The following GPC6 variants were observed in gnomAD, a reference collection of about 807,000 sequenced individuals.
The protein encoded by GPC6 is glypican 6.
Under a neutral mutation model 55.2 loss-of-function variants are expected in GPC6, and 14 were observed. That is an observed-to-expected ratio of 0.25 (90% confidence interval 0.17 to 0.40). The LOEUF (loss-of-function observed/expected upper bound fraction) is 0.40, where lower values mean the gene tolerates loss of function less well. Among genes scored for constraint, GPC6 ranks in the 10% least tolerant of loss-of-function variants. The pLI, the probability that GPC6 is intolerant of heterozygous loss-of-function variation, is 1.00. For missense variants in GPC6, 641 were observed against 708.5 expected, an observed-to-expected ratio of 0.90 and a Z score of 1.08; for synonymous variants, 278 against 259.6, an observed-to-expected ratio of 1.07 and a Z score of -0.68.
chr13:93,688,457 A>T (rs904186533), intron 2 of GPC6, among the ~76,000 whole-genome samples: 3 of 152,124 alleles, frequency 2.0e-5, no homozygotes, highest in African/African-American at 7.2e-5. Flanking sequence ...AGAGCGTTAG[A>T]TATGTGTGCA....
chr13:94,208,770 A>C (rs545443040), intron 4 of GPC6, among the ~76,000 whole-genome samples: 87 of 150,246 alleles, frequency 5.8e-4, no homozygotes, highest in African/African-American at 2.1e-3. Context: ...AAAAAAAAAA[A>C]AAAAAAAAAC....
chr13:94,038,293 G>C (rs546523649), intron 4 of GPC6, among the ~76,000 whole-genome samples: 1 of 151,944 alleles, frequency 6.6e-6, no homozygotes, highest in South Asian at 2.1e-4. Context: ...GCTTGACATG[G>C]CTCAACCTCT....
intron 1 of GPC6, among the ~76,000 whole-genome samples, chr13:93,272,388 A>C (rs1877561633): frequency 6.6e-6 from 1 of 151,548 alleles, no homozygotes; most frequent in South Asian, 2.1e-4. Context: ...TTCCAATGAT[A>C]GTCACTTCAT....
intron 4 of GPC6, among the ~76,000 whole-genome samples, chr13:94,212,018 A>G (rs1890095053): frequency 6.6e-6 from 1 of 152,164 alleles, no homozygotes; most frequent in African/African-American, 2.4e-5. Flanking sequence ...CTCGTTGTCT[A>G]AAAAAATCAA....
At chr13:93,426,135 A>G (rs1877117503) in intron 1 of GPC6, among the ~76,000 whole-genome samples, 1 of 152,194 alleles carries the variant, frequency 6.6e-6, no homozygotes, top group Non-Finnish European at 1.5e-5. Flanking sequence ...TGTTAGTAAC[A>G]TTACTAGTAG....
chr13:93,882,515 G>A (rs1052184548), intron 3 of GPC6, among the ~76,000 whole-genome samples: 4 of 152,112 alleles, frequency 2.6e-5, no homozygotes, highest in Non-Finnish European at 4.4e-5. Flanking sequence ...AACACTGTTA[G>A]ATTTGTATGT....
intron 1 of GPC6, among the ~76,000 whole-genome samples, chr13:93,375,506 T>C (rs941762680): frequency 3.9e-5 from 6 of 152,194 alleles, no homozygotes; most frequent in African/African-American, 1.4e-4. Context: ...CCCACTGATA[T>C]ATACAATGGT....
chr13:94,241,663 G>A (rs1422990102), intron 4 of GPC6, among the ~76,000 whole-genome samples: 1 of 152,026 alleles, frequency 6.6e-6, no homozygotes, highest in Non-Finnish European at 1.5e-5. Context: ...AAAAAGGAGG[G>A]GGCTAGGTTG....
intron 3 of GPC6, among the ~76,000 whole-genome samples, chr13:93,962,032 C>A (rs1879801517): frequency 6.6e-6 from 1 of 152,124 alleles, no homozygotes; most frequent in Non-Finnish European, 1.5e-5. Context: ...CTCACAACAG[C>A]CCATTCAGGT....
intron 1 of GPC6, among the ~76,000 whole-genome samples, chr13:93,348,362 G>A (rs1880501710): frequency 6.6e-6 from 1 of 152,260 alleles, no homozygotes; most frequent in African/African-American, 2.4e-5. Context: ...GTGAATTTTT[G>A]TATTAGATAA....
chr13:93,607,844 T>A (rs1335197241), intron 2 of GPC6, among the ~76,000 whole-genome samples: 2 of 152,136 alleles, frequency 1.3e-5, no homozygotes, highest in Admixed American at 6.5e-5. Flanking sequence ...CAATGGGACT[T>A]ACCAGTATCC....
intron 4 of GPC6, among the ~76,000 whole-genome samples, chr13:94,093,998 G>A (rs1312184510): frequency 1.3e-5 from 2 of 152,114 alleles, no homozygotes; most frequent in Non-Finnish European, 2.9e-5. Flanking sequence ...ATTTGAAAGA[G>A]AGTCCTATTA....
Position 93,227,530 on chromosome 13 carries a change from T to C in GPC6, c.74T>C (p.Val25Ala). 6.2e-7 allele frequency: 1 copy of C among 1,613,648 alleles called. No homozygotes were observed. The highest frequency in any genetic ancestry group is 1.3e-5 in the African/African-American group (1 of 75,020). The stretch of plus-strand genomic sequence containing the variant: ...CTCTCCCTCCCCGCCGGGGCGGATG[T>C]GAAGGCTCGGAGCTGCGGAGAGGTC... The part of the protein sequence containing the change: ...LLLSLPAGAD[V>A]KARSCGEVRQ... Residue 25 changes from valine to alanine, a missense_variant, in exon 1 of 9, where the codon GTG (valine) becomes GCG (alanine). By Grantham distance (64) the Val-to-Ala change is moderately conservative. Transcript: ENST00000377047. The surrounding 1 kb of genome is among the most constrained non-coding windows in gnomAD (Gnocchi z 4.3).
intron 3 of GPC6, among the ~76,000 whole-genome samples, chr13:93,956,594 C>G (rs1244063319): frequency 6.6e-6 from 1 of 152,116 alleles, no homozygotes; most frequent in Non-Finnish European, 1.5e-5. Flanking sequence ...CGCCCCAATC[C>G]TAAATGGAGA....
At chr13:93,236,336 T>C (rs900266792) in intron 1 of GPC6, among the ~76,000 whole-genome samples, 1 of 152,170 alleles carries the variant, frequency 6.6e-6, no homozygotes, top group Non-Finnish European at 1.5e-5. Flanking sequence ...GTCACCCAAA[T>C]AGTGTTCATT....
chr13:94,217,992 ATTTC>A (rs912042044), intron 4 of GPC6, among the ~76,000 whole-genome samples: 5 of 152,272 alleles, frequency 3.3e-5, no homozygotes, highest in East Asian at 1.9e-4. Flanking sequence ...ATGGGATAAT[ATTTC>A]TTTCTCACTC....
At chr13:93,953,366 C>A (rs1879354539) in intron 3 of GPC6, among the ~76,000 whole-genome samples, 1 of 152,130 alleles carries the variant, frequency 6.6e-6, no homozygotes, top group Non-Finnish European at 1.5e-5. Flanking sequence ...CCCCTTCAGA[C>A]TGGGGTTTTC....
At position 93,882,217 on chromosome 13, in the gene GPC6, T is replaced by C. The variant is rs997487604; in HGVS notation, c.711+51672T>C. 5.3e-5 allele frequency among the ~76,000 whole-genome samples: 8 copies of C among 152,008 alleles called. No individual in the cohort carries two copies. In the East Asian group the frequency reaches 1.5e-3, roughly 29 times the overall value. The stretch of plus-strand genomic sequence containing the variant: ...TCGCCAAAGCTGGAGTGCAGTGGCA[T>C]GATCTCAACTCACTGCAGCCTTGAC... On this transcript the variant is annotated intron_variant, in intron 3 of 8. Transcript: ENST00000377047.
intron 3 of GPC6, among the ~76,000 whole-genome samples, chr13:93,950,767 T>A (rs983471956): frequency 6.6e-6 from 1 of 152,202 alleles, no homozygotes; most frequent in Non-Finnish European, 1.5e-5. Flanking sequence ...GGTTGTGCAT[T>A]CACAAATGAT....
Sources: allele counts gnomAD v4.1 joint callset (sites outside exome capture counted in the v4.1 genomes callset), GRCh38; gene constraint gnomAD v4.1.1; non-coding constraint Gnocchi (gnomAD v3.1); transcripts MANE v1.5; gene names NCBI Gene and HGNC (gene_info 2026-07-23, HGNC 2026-07-21).